ACBD6: variants seen among roughly 807,000 people sequenced by gnomAD.
ACBD6 encodes acyl-CoA-binding domain-containing protein 6.
ACBD6 carries 28 observed loss-of-function variants against 37.2 expected under a neutral mutation model. The ratio of observed to expected loss-of-function variants is 0.75; its 90% confidence interval spans 0.56 to 1.03. The LOEUF (loss-of-function observed/expected upper bound fraction) is 1.03. Ranked by LOEUF, ACBD6 falls within the 50% of genes least tolerant of loss-of-function variation. ACBD6 has a pLI of 0.00. For synonymous variants in ACBD6, 113 were observed against 126.8 expected (o/e 0.89, Z 0.73); for missense variants, 340 against 337.4 (o/e 1.01, Z -0.06).
chr1:180,363,424 A>G (rs563158699), intron 6 of ACBD6, among the ~76,000 whole-genome samples: 2 of 152,346 alleles, frequency 1.3e-5, no homozygotes, highest in Admixed American at 1.3e-4. Flanking sequence ...GTAGAAAACA[A>G]AAGTATGGAA....
rs1357829655 is a variant in ACBD6 at position 180,399,069 on chromosome 1, GTCT to G, written c.574-1467_574-1465del. On this transcript the variant is annotated intron_variant, in intron 5 of 7. Transcript: ENST00000367595. Reference sequence around the variant, plus strand: ...TAGGAAAACTTCTTCCCTACAAATTGTCTTCTTCTTTTGCTTTCATTTGCTTGA... The same window carrying G: ...TAGGAAAACTTCTTCCCTACAAATTGTCTTCTTTTGCTTTCATTTGCTTGA... Among the ~76,000 whole-genome samples the G allele has an allele frequency of 5.8e-4, 88 of 151,946 alleles. 1 individual carries two copies. Among genetic ancestry groups the G allele is most frequent in the African/African-American group, 1.9e-3 (79 of 41,362 alleles).
At chr1:180,349,603 A>G (rs1201518343) in intron 6 of ACBD6, among the ~76,000 whole-genome samples, 1 of 151,956 alleles carries the variant, frequency 6.6e-6, no homozygotes, top group Non-Finnish European at 1.5e-5. Flanking sequence ...TTTTAGTATA[A>G]TAAATTTTAT....
At chr1:180,435,014 G>C in intron 3 of ACBD6, 1 of 969,960 alleles carries the variant, frequency 1.0e-6, no homozygotes, top group Non-Finnish European at 1.7e-6. Context: ...CAGAGAAATG[G>C]AACACCGACA....
chr1:180,501,931 CA>C, intron 1 of ACBD6, 113 bp downstream of exon 1: 1 of 854,464 alleles, frequency 1.2e-6, no homozygotes, highest in South Asian at 1.5e-5. Flanking sequence ...AAACAAAATA[CA>C]CATACACAAG....
rs139954520 is a variant in ACBD6, at chr1:180,367,901, A to G, written c.663+29615T>C. Among the ~76,000 whole-genome samples the G allele has an allele frequency of 7.6e-4, 116 of 152,322 alleles. 1 individual carries two copies. The highest frequency in any genetic ancestry group is 2.7e-3 in the African/African-American group (113 of 41,568). On this transcript the variant is annotated intron_variant, in intron 6 of 7. Coordinates refer to ENST00000367595, the MANE Select transcript of ACBD6 (RefSeq NM_032360.4). ...GAATGATTTATGTACCTCTTGGTAT[A>G]TACCCAGTAATGGGATTGCTGGGTT...
At chr1:180,409,732 T>C (rs531278889) in intron 5 of ACBD6, among the ~76,000 whole-genome samples, 24 of 152,316 alleles carry the variant, frequency 1.6e-4, no homozygotes, top group Admixed American at 7.2e-4. Flanking sequence ...CTCTTCAGGC[T>C]TCCCTATTCA....
chr1:180,475,196 T>C (rs963400023), intron 3 of ACBD6, among the ~76,000 whole-genome samples: 2 of 152,208 alleles, frequency 1.3e-5, no homozygotes, highest in South Asian at 2.1e-4. Flanking sequence ...ATTTAAATTG[T>C]ACAGTTTGAT....
intron 3 of ACBD6, among the ~76,000 whole-genome samples, chr1:180,467,286 T>C (rs1387477530): frequency 1.3e-5 from 2 of 150,900 alleles, no homozygotes; most frequent in Non-Finnish European, 3.0e-5. Flanking sequence ...ATATTCAACA[T>C]GCAAAAAAAT....
exon 14 of ACBD6, chr1:180,270,920 CAT>C (rs1365307524): frequency 1.2e-5 from 3 of 252,390 alleles, no homozygotes; most frequent in Non-Finnish European, 2.4e-5. Context: ...GCAAAGGTGA[CAT>C]GGCTGTGGGG....
chr1:180,463,993 A>C (rs758209026), intron 3 of ACBD6, among the ~76,000 whole-genome samples: 3 of 152,214 alleles, frequency 2.0e-5, no homozygotes, highest in Admixed American at 6.5e-5. Flanking sequence ...GATTTCGATA[A>C]AACTCAACAT....
At chr1:180,357,793 T>C (rs1002318060) in intron 6 of ACBD6, among the ~76,000 whole-genome samples, 1 of 152,198 alleles carries the variant, frequency 6.6e-6, no homozygotes, top group Non-Finnish European at 1.5e-5. Flanking sequence ...GAAGCAGAAC[T>C]GCTTCCCTAC....
At chr1:180,403,466 T>C (rs139436948) in intron 5 of ACBD6, among the ~76,000 whole-genome samples, 17 of 152,308 alleles carry the variant, frequency 1.1e-4, no homozygotes, top group African/African-American at 3.1e-4. Context: ...AAAGATTTGA[T>C]GAATGTCTAG....
intron 3 of ACBD6, among the ~76,000 whole-genome samples, chr1:180,480,146 G>A (rs10737343): frequency 0.96 from 145,457 of 152,308 alleles, 69,525 homozygotes; most frequent in African/African-American, 0.99. Context: ...TTTAGCCTGT[G>A]AGTAAAGGGG....
intron 6 of ACBD6, among the ~76,000 whole-genome samples, chr1:180,382,114 CAA>C (rs59973107): frequency 4.1e-4 from 46 of 112,142 alleles, no homozygotes; most frequent in Admixed American, 4.6e-4. Context: ...GACTGCATCT[CAA>C]AAAAAAAAAA....
At chr1:180,318,168 C>A (rs1432810810) in intron 6 of ACBD6, among the ~76,000 whole-genome samples, 4 of 84,354 alleles carry the variant, frequency 4.7e-5, no homozygotes, top group South Asian at 4.0e-4. Flanking sequence ...TCTCCGCCCC[C>A]CCCCCCCAAA....
At chr1:180,302,194 T>A (rs983101804) in intron 7 of ACBD6, among the ~76,000 whole-genome samples, 1 of 151,076 alleles carries the variant, frequency 6.6e-6, no homozygotes, top group African/African-American at 2.5e-5. Context: ...ATTAAAAAAA[T>A]AGATTTGTCT....
intron 6 of ACBD6, among the ~76,000 whole-genome samples, chr1:180,357,863 G>A (rs1230004736): frequency 6.6e-6 from 1 of 152,126 alleles, no homozygotes; most frequent in Non-Finnish European, 1.5e-5. Flanking sequence ...TGCCAGCAGA[G>A]CTTATTTCAT....
intron 6 of ACBD6, among the ~76,000 whole-genome samples, chr1:180,392,203 C>T (rs1408448278): frequency 2.0e-5 from 3 of 151,760 alleles, no homozygotes; most frequent in Non-Finnish European, 4.4e-5. Flanking sequence ...TCTAGAGGTT[C>T]CAGGAATGTT....
chr1:180,487,334 G>A (rs1047247074), intron 3 of ACBD6, among the ~76,000 whole-genome samples: 1 of 148,790 alleles, frequency 6.7e-6, no homozygotes, highest in Non-Finnish European at 1.5e-5. Flanking sequence ...TGGAAAATTC[G>A]AGAAATAAAC....
Sources: allele counts gnomAD v4.1 joint callset (sites outside exome capture counted in the v4.1 genomes callset), GRCh38; gene constraint gnomAD v4.1.1; transcripts MANE v1.5; gene names NCBI Gene and HGNC (gene_info 2026-07-23, HGNC 2026-07-21).